Variants in SYNJ2BP observed in about 807,000 individuals in gnomAD.
SYNJ2BP encodes the protein synaptojanin 2 binding protein.
Under a neutral mutation model 16.9 loss-of-function variants are expected in SYNJ2BP, and 10 were observed. That is an observed-to-expected ratio of 0.59 (90% confidence interval 0.36 to 1.00). The LOEUF is 1.00. SYNJ2BP is among the 50% of genes least tolerant of loss of function. SYNJ2BP has a pLI of 0.01. For synonymous variants in SYNJ2BP, 54 were observed against 68.4 expected (o/e 0.79, Z 1.04); for missense variants, 162 against 186.7 (o/e 0.87, Z 0.77).
chr14:70,394,546 T>G (rs1209876984), intron 1 of SYNJ2BP, among the ~76,000 whole-genome samples: 1 of 151,620 alleles, frequency 6.6e-6, no homozygotes, highest in African/African-American at 2.4e-5. Flanking sequence ...ATGGCAAGAT[T>G]AAAATGGGTT....
chr14:70,388,816 C>T (rs1445130884), intron 1 of SYNJ2BP, among the ~76,000 whole-genome samples: 2 of 151,700 alleles, frequency 1.3e-5, no homozygotes, highest in African/African-American at 2.4e-5. Flanking sequence ...AAATGAGGCA[C>T]GACTGAAAAT....
rs1013702913 is a variant in SYNJ2BP, at chr14:70,372,036, G to A, written c.*955C>T. On this transcript the variant is annotated 3_prime_UTR_variant, in exon 4 of 4. Transcript: ENST00000256366. ...AAGTTTTTTAGATGTGAGCAGCGCT[G>A]GATTATGGCAATTTACCTTATAATA... The A allele has an allele frequency of 7.9e-5, 12 of 152,004 alleles. No homozygotes were observed. The highest frequency in any genetic ancestry group is 4.6e-4 in the Admixed American group (7 of 15,260). The allele number at this position is 152,004 out of a possible 1,614,324, so 9.4% of individuals were successfully genotyped here. A position where few individuals can be genotyped will look rare whatever the true frequency, so the allele number is the denominator to read the frequency against.
chr14:70,413,953 T>C (rs1007816902), intron 1 of SYNJ2BP, among the ~76,000 whole-genome samples: 1 of 152,188 alleles, frequency 6.6e-6, no homozygotes, highest in African/African-American at 2.4e-5. Context: ...ACAAAAGAAA[T>C]GCATACTTAG....
At chr14:70,391,156 C>G (rs902408804) in intron 1 of SYNJ2BP, among the ~76,000 whole-genome samples, 1 of 151,882 alleles carries the variant, frequency 6.6e-6, no homozygotes, top group Non-Finnish European at 1.5e-5. Flanking sequence ...AAAAAGCATA[C>G]CTTGTGCATA....
chr14:70,378,669 A>G (rs1381695717), intron 2 of SYNJ2BP, among the ~76,000 whole-genome samples: 1 of 152,158 alleles, frequency 6.6e-6, no homozygotes, highest in East Asian at 1.9e-4. Context: ...CAAACTCCAC[A>G]GTCTAACACT....
chr14:70,397,454 C>G (rs150051945), intron 1 of SYNJ2BP, among the ~76,000 whole-genome samples: 41 of 152,312 alleles, frequency 2.7e-4, no homozygotes, highest in Non-Finnish European at 4.9e-4. Context: ...CATTTTGGCA[C>G]TCTGTTGTTT....
intron 2 of SYNJ2BP, among the ~76,000 whole-genome samples, chr14:70,379,884 C>T (rs1004520494): frequency 4.6e-5 from 7 of 152,148 alleles, no homozygotes; most frequent in Admixed American, 4.6e-4. Context: ...GATGTCACAG[C>T]TCAATATCAG....
At chr14:70,415,876 A>G (rs1888595259) in intron 1 of SYNJ2BP, among the ~76,000 whole-genome samples, 1 of 152,248 alleles carries the variant, frequency 6.6e-6, no homozygotes, top group African/African-American at 2.4e-5. Flanking sequence ...CATACTGTTT[A>G]CCATAGGTCA....
chr14:70,414,087 C>T (rs1888549634), intron 1 of SYNJ2BP, among the ~76,000 whole-genome samples: 2 of 152,182 alleles, frequency 1.3e-5, no homozygotes, highest in African/African-American at 4.8e-5. Flanking sequence ...TATATATCTT[C>T]ATGATGATAC....
chr14:70,405,343 A>G (rs1430501660), intron 1 of SYNJ2BP, among the ~76,000 whole-genome samples: 3 of 152,128 alleles, frequency 2.0e-5, no homozygotes, highest in African/African-American at 7.2e-5. Context: ...GCCAATATCA[A>G]AAAGGAAGTA....
intron 1 of SYNJ2BP, among the ~76,000 whole-genome samples, chr14:70,407,875 G>A (rs1045969789): frequency 6.6e-6 from 1 of 152,096 alleles, no homozygotes; most frequent in African/African-American, 2.4e-5. Context: ...TTGTTTAATT[G>A]TCTCATTACC....
rs1887442042 is a variant in SYNJ2BP, at chr14:70,368,423, AAAC to A, written c.*4565_*4567del. 1 of 152,232 alleles carries A rather than the reference AAAC, an allele frequency of 6.6e-6. No individual in the cohort carries two copies. The highest frequency in any genetic ancestry group is 2.4e-5 in the African/African-American group (1 of 41,458). The allele number at this position is 152,232 out of a possible 1,614,324, so 9.4% of individuals were successfully genotyped here. ...GAGACAGAAAGGTCACTTCTGCAAC[AAAC>A]TAAGTCTGATCAGAGTTAAGTTAGC... On this transcript the variant is annotated 3_prime_UTR_variant, in exon 4 of 4. Transcript: ENST00000256366.
intron 2 of SYNJ2BP, among the ~76,000 whole-genome samples, chr14:70,377,253 G>A (rs1430876094): frequency 6.6e-6 from 1 of 152,058 alleles, no homozygotes; most frequent in Non-Finnish European, 1.5e-5. Flanking sequence ...CAAAGCACTT[G>A]GTAAATCATT....
At chr14:70,375,226 G>T (rs1348772088) in intron 3 of SYNJ2BP, among the ~76,000 whole-genome samples, 2 of 139,860 alleles carry the variant, frequency 1.4e-5, no homozygotes, top group East Asian at 4.4e-4. Context: ...TTTTGAGACA[G>T]GGTCTCACTC....
Position 70,417,055 on chromosome 14 carries a change from C to T in SYNJ2BP, c.-92G>A. The T allele has an allele frequency of 1.3e-6, 2 of 1,595,258 alleles. No individual in the cohort carries two copies. The highest frequency in any genetic ancestry group is 1.3e-5 in the African/African-American group (1 of 74,504). ...TCTCGGCGCTGCGCCCACAGCACAGCGGTTTCGGTTTCAGCAGCCTCGAGA... is the reference window on the plus strand; with the variant it reads ...TCTCGGCGCTGCGCCCACAGCACAGTGGTTTCGGTTTCAGCAGCCTCGAGA... On this transcript the variant is annotated 5_prime_UTR_variant, in exon 1 of 4. Transcript: ENST00000256366.
At chr14:70,408,558 A>T (rs1260370892) in intron 1 of SYNJ2BP, among the ~76,000 whole-genome samples, 1 of 151,932 alleles carries the variant, frequency 6.6e-6, no homozygotes, top group Non-Finnish European at 1.5e-5. Flanking sequence ...CTGTAATCCC[A>T]GCTACTTGGG....
intron 1 of SYNJ2BP, among the ~76,000 whole-genome samples, chr14:70,410,764 A>G (rs1214630664): frequency 2.6e-5 from 4 of 152,238 alleles, no homozygotes; most frequent in Non-Finnish European, 5.9e-5. Context: ...TAACAAAGGA[A>G]GAGAAAACCA....
In SYNJ2BP at chr14:70,398,946, G is replaced by A. The variant is rs201467367; in HGVS notation, c.65-10340C>T. 5.9e-5 allele frequency among the ~76,000 whole-genome samples: 9 copies of A among 152,254 alleles called. No homozygotes were observed. The East Asian group carries it at 1.7e-3, about 29-fold the overall frequency. Reference sequence around the variant, plus strand: ...GGGGGCCTCTAGGAGCAGATAGGGGGCCTCCAGGAGCAGATAGTGGGCCCC... The same window carrying A: ...GGGGGCCTCTAGGAGCAGATAGGGGACCTCCAGGAGCAGATAGTGGGCCCC... On this transcript the variant is annotated intron_variant, in intron 1 of 3. Transcript: ENST00000256366.
rs548085011 is a variant in SYNJ2BP, at chr14:70,366,882, T to G, written c.*6109A>C. Reference sequence around the variant, plus strand: ...GGTAAAATGCAAATATATCCGGTAATAAGAAGCCCAGATTACTGCAGATAA... The same window carrying G: ...GGTAAAATGCAAATATATCCGGTAAGAAGAAGCCCAGATTACTGCAGATAA... On this transcript the variant is annotated 3_prime_UTR_variant, in exon 4 of 4. Transcript: ENST00000256366. 6.6e-6 allele frequency: 1 copy of G among 152,290 alleles called. No homozygotes were observed. The highest frequency in any genetic ancestry group is 2.1e-4 in the South Asian group (1 of 4,830). 9.4% of individuals were successfully genotyped at this position (152,290 alleles called of 1,614,324 possible).
Sources: allele counts gnomAD v4.1 joint callset (sites outside exome capture counted in the v4.1 genomes callset), GRCh38; gene constraint gnomAD v4.1.1; transcripts MANE v1.5; gene names NCBI Gene and HGNC (gene_info 2026-07-23, HGNC 2026-07-21).